RSRC2: variants seen among roughly 807,000 people sequenced by gnomAD.
The protein encoded by RSRC2 is arginine/serine-rich coiled-coil protein 2.
Under a neutral mutation model 61.3 loss-of-function variants are expected in RSRC2, and 5 were observed. The ratio of observed to expected loss-of-function variants is 0.08; its 90% CI spans 0.04 to 0.17. The LOEUF (loss-of-function observed/expected upper bound fraction) is 0.17, where lower values mean the gene tolerates loss of function less well. Ranked by LOEUF, RSRC2 falls within the 10% of genes least tolerant of loss-of-function variation. The pLI is 1.00. For missense variants in RSRC2, 381 were observed against 518.8 expected, an observed-to-expected ratio of 0.73 and a Z score of 2.58; for synonymous variants, 202 against 166.5, an observed-to-expected ratio of 1.21 and a Z score of -1.64.
Position 122,511,193 on chromosome 12 carries a change from A to C in RSRC2, c.726-5T>G. The C allele has an allele frequency of 1.3e-6, 2 of 1,597,176 alleles. No individual in the cohort carries two copies. The highest frequency in any genetic ancestry group is 1.7e-6 in the Non-Finnish European group (2 of 1,170,766). On this transcript the variant is annotated splice_polypyrimidine_tract_variant and splice_region_variant and intron_variant, in intron 6 of 9. Coordinates refer to ENST00000331738, the MANE Select transcript of RSRC2 (RefSeq NM_023012.6). ...AATTTCTTTGCCCTTTCCAACCTGC[A>C]AAATTAATTTCAATGAATTTAAAAT...
chr12:122,526,867 G>A lies in RSRC2; in HGVS notation c.-14C>T, dbSNP rs755799206. The stretch of plus-strand genomic sequence containing the variant: ...ACCTACCGCCATAGTTCAGAGTCCC[G>A]GCCGCTAGAGCGGCGCCTCCACTTG... On this transcript the variant is annotated 5_prime_UTR_variant, in exon 1 of 10. Transcript: ENST00000331738. The A allele has an allele frequency of 6.2e-7, 1 of 1,614,048 alleles. No homozygotes were observed. Among genetic ancestry groups the A allele is most frequent in the Non-Finnish European group, 8.5e-7 (1 of 1,179,966 alleles).
chr12:122,505,437 G>T lies in RSRC2; in HGVS notation c.*90C>A. 8.4e-7 allele frequency: 1 copy of T among 1,195,460 alleles called. No homozygotes were observed. Among genetic ancestry groups the T allele is most frequent in the Non-Finnish European group, 1.2e-6 (1 of 838,394 alleles). 74.1% of individuals were successfully genotyped at this position (1,195,460 alleles called of 1,614,324 possible). Reference sequence around the variant, plus strand: ...AAATTAAAGTCAATGCAACACCCATGCAAGCTAGAGTGCTAGCTGTTTGGT... The same window carrying T: ...AAATTAAAGTCAATGCAACACCCATTCAAGCTAGAGTGCTAGCTGTTTGGT... On this transcript the variant is annotated 3_prime_UTR_variant, in exon 10 of 10. Coordinates refer to ENST00000331738, the MANE Select transcript of RSRC2 (RefSeq NM_023012.6).
chr12:122,519,080 G>A, intron 3 of RSRC2, 51 bp from the exon 4 acceptor site: 1 of 1,458,412 alleles, frequency 6.9e-7, no homozygotes, highest in East Asian at 2.3e-5. Flanking sequence ...AACAAAGAGA[G>A]TTAGTATGGG....
intron 6 of RSRC2, 197 bp downstream of exon 6, chr12:122,514,908 G>A (rs544775037): frequency 1.0e-5 from 7 of 688,274 alleles, no homozygotes; most frequent in African/African-American, 5.5e-5. Flanking sequence ...AACAGAAATT[G>A]TAGACATCTC....
At chr12:122,526,812 A>G in intron 1 of RSRC2, 36 bp downstream of exon 1, 1 of 1,613,654 alleles carries the variant, frequency 6.2e-7, no homozygotes, top group South Asian at 1.1e-5. Context: ...GTAGCAGAAA[A>G]ATATCCCTGG....
In RSRC2 at chr12:122,512,991, G is replaced by A. The variant is rs193013004; in HGVS notation, c.726-1803C>T. Among the ~76,000 whole-genome samples, 157 of 151,918 alleles carry A rather than the reference G, an allele frequency of 1.0e-3. 1 individual carries two copies. Among genetic ancestry groups the A allele is most frequent in the Admixed American group, 9.3e-3 (142 of 15,230 alleles). The stretch of plus-strand genomic sequence containing the variant: ...GAAGACTGCTTGAGGCCAGCAGTTC[G>A]AGACCAGCTTGGCCAACATGGCAAA... On this transcript the variant is annotated intron_variant, in intron 6 of 9. Coordinates refer to ENST00000331738, the MANE Select transcript of RSRC2 (RefSeq NM_023012.6).
chr12:122,506,162 G>A (rs1253235417), intron 9 of RSRC2, among the ~76,000 whole-genome samples: 2 of 151,738 alleles, frequency 1.3e-5, no homozygotes, highest in Non-Finnish European at 2.9e-5. Flanking sequence ...GAGACGGGTG[G>A]ATCACCTGAG....
chr12:122,517,105 A>G lies in RSRC2; in HGVS notation c.602+122T>C. ...CTTCATACGTTAGGTAATGACTAAA[A>G]TAATTTTACCATAATCTATAAATAG... On this transcript the variant is annotated intron_variant, in intron 5 of 9. Transcript: ENST00000331738. The G allele has an allele frequency of 2.1e-6, 3 of 1,416,632 alleles. No homozygotes were observed. In the South Asian group the frequency reaches 3.9e-5, roughly 18 times the overall value. The allele number at this position is 1,416,632 out of a possible 1,614,324, so 87.8% of individuals were successfully genotyped here. A position where few individuals can be genotyped will look rare whatever the true frequency, so the allele number is the denominator to read the frequency against.
chr12:122,507,530 T>C (rs1958191048), intron 8 of RSRC2, among the ~76,000 whole-genome samples: 1 of 152,018 alleles, frequency 6.6e-6, no homozygotes, highest in Non-Finnish European at 1.5e-5. Flanking sequence ...CCTCATAATC[T>C]ATGAAAAATT....
intron 6 of RSRC2, 69 bp from the exon 7 acceptor site, chr12:122,511,257 T>C (rs548135665): frequency 2.3e-5 from 27 of 1,192,916 alleles, no homozygotes; most frequent in Admixed American, 2.2e-4. Context: ...TCTCTCTATA[T>C]GTGCATGTAC....
At chr12:122,509,316 G>A (rs1958323842) in intron 7 of RSRC2, among the ~76,000 whole-genome samples, 3 of 151,684 alleles carry the variant, frequency 2.0e-5, no homozygotes, top group Admixed American at 1.3e-4. Context: ...CAGGCGTGGT[G>A]GCAGGCGCCT....
At chr12:122,517,133 T>C in intron 5 of RSRC2, 94 bp downstream of exon 5, 3 of 1,558,312 alleles carry the variant, frequency 1.9e-6, no homozygotes, top group Non-Finnish European at 2.6e-6. Context: ...ATAAATAGAA[T>C]TGTGACTCAC....
rs771362468 is a variant in RSRC2 at position 122,511,130 on chromosome 12, T to G, written c.784A>C (p.Lys262Gln). The G allele has an allele frequency of 6.2e-7, 1 of 1,607,014 alleles. No individual in the cohort carries two copies. Among genetic ancestry groups the G allele is most frequent in the Admixed American group, 1.7e-5 (1 of 59,600 alleles). The change falls in exon 7 of 10, where the codon AAA becomes CAA. Residue 262 changes from lysine to glutamine, a missense_variant. Around this residue, in one of 4 missense-constraint regions of RSRC2, gnomAD observed 26 missense variants for 27.5 expected, o/e 0.95. Coordinates refer to ENST00000331738, the MANE Select transcript of RSRC2 (RefSeq NM_023012.6). ...TTACCTGCAGCTATTTCTTGTTGTTTTTGTTTTTCAACCATTTCCTTTTCT... is the reference window on the plus strand; with the variant it reads ...TTACCTGCAGCTATTTCTTGTTGTTGTTGTTTTTCAACCATTTCCTTTTCT... ...QREKEMVEKQ[K>Q]QQEIAAAAAT... is the part of the protein sequence containing the mutation.
chr12:122,514,582 A>T (rs762874674), intron 6 of RSRC2: 3,016 of 145,272 alleles, frequency 0.021, 37 homozygotes, highest in African/African-American at 0.088. Context: ...GCAGAAAATT[A>T]AAAAAAAAAA....
intron 6 of RSRC2, among the ~76,000 whole-genome samples, chr12:122,514,270 G>GTTTTTT (rs71085815): frequency 1.5e-5 from 2 of 135,266 alleles, no homozygotes; most frequent in African/African-American, 5.5e-5. Flanking sequence ...GTGTGTGTGT[G>GTTTTTT]TTTTTTTTTT....
At chr12:122,516,628 TATGCAAAAGGAGA>T (rs1958949371) in intron 5 of RSRC2, among the ~76,000 whole-genome samples, 1 of 152,212 alleles carries the variant, frequency 6.6e-6, no homozygotes, top group South Asian at 2.1e-4. Context: ...ATATGGTAAG[TATGCAAAAGGAGA>T]TTTTAGTTAT....
rs755548224 is a variant in RSRC2 at position 122,522,206 on chromosome 12, T to C, written c.100A>G (p.Arg34Gly). Residue 34 changes from arginine to glycine, a missense_variant, in exon 2 of 10, where the codon AGA becomes GGA. Physicochemically the swap from Arg to Gly is moderately radical, Grantham distance 125. Coordinates refer to ENST00000331738, the MANE Select transcript of RSRC2 (RefSeq NM_023012.6). The stretch of plus-strand genomic sequence containing the variant: ...CTTGAATAATGATGTTTTGAAGCTC[T>C]AGGAGAAACAGATACTTCTGACTGC... ...KEQSEVSVSP[R>G]ASKHHYSRSR... The C allele has an allele frequency of 1.2e-6, 2 of 1,614,094 alleles. No individual in the cohort carries two copies. The highest frequency in any genetic ancestry group is 1.1e-5 in the South Asian group (1 of 91,072).
rs544489748 is a variant in RSRC2 at position 122,512,300 on chromosome 12, T to A, written c.726-1112A>T. ...CTTTTCTTCCTAAGGATTCCCTGAT[T>A]TATCAATCAAGCCAAATGCCACTAA... On this transcript the variant is annotated intron_variant, in intron 6 of 9. Coordinates refer to ENST00000331738, the MANE Select transcript of RSRC2 (RefSeq NM_023012.6). Among the ~76,000 whole-genome samples the A allele has an allele frequency of 4.9e-4, 75 of 152,352 alleles. 2 individuals carry two copies. The South Asian group carries it at 0.014, about 29-fold the overall frequency.
At chr12:122,524,847 C>A (rs1959827661) in intron 1 of RSRC2, among the ~76,000 whole-genome samples, 2 of 152,180 alleles carry the variant, frequency 1.3e-5, no homozygotes, top group Non-Finnish European at 2.9e-5. Context: ...TACACATAAA[C>A]GTTAACTGCA....
Sources: gnomAD v4.1 joint callset for allele counts (sites outside exome capture counted in the v4.1 genomes callset) on GRCh38, gnomAD v4.1.1 for gene constraint, gnomAD v4.1.1 regional missense constraint, MANE v1.5 for transcripts, NCBI Gene and HGNC (gene_info 2026-07-23, HGNC 2026-07-21) for gene names.